Variants in CCDC88C observed in about 807,000 individuals in gnomAD.
The protein encoded by CCDC88C is protein Daple.
Under a neutral mutation model 198.8 loss-of-function variants are expected in CCDC88C, and 131 were observed. That is an observed-to-expected ratio of 0.66 (90% CI 0.57 to 0.76). CCDC88C has a LOEUF of 0.76. Ranked by LOEUF, CCDC88C falls within the 30% of genes least tolerant of loss-of-function variation. The pLI is 0.00. For missense variants in CCDC88C, 2,553 were observed against 2,631.6 expected, an observed-to-expected ratio of 0.97 and a Z score of 0.65; for synonymous variants, 1,166 against 1,114.7, an observed-to-expected ratio of 1.05 and a Z score of -0.92.
intron 10 of CCDC88C, among the ~76,000 whole-genome samples, chr14:91,332,465 T>C (rs1283918210): frequency 6.6e-6 from 1 of 152,182 alleles, no homozygotes; most frequent in Non-Finnish European, 1.5e-5. Flanking sequence ...CCATGTACAT[T>C]TGTGTTCCAT....
chr14:91,345,342 G>A (rs1893501421), intron 4 of CCDC88C, among the ~76,000 whole-genome samples: 1 of 151,392 alleles, frequency 6.6e-6, no homozygotes, highest in Non-Finnish European at 1.5e-5. Flanking sequence ...ACAGGCGCTC[G>A]CCACCACGCT....
rs1436188195 is a variant in CCDC88C, at chr14:91,352,016, T to C, written c.340+7626A>G. On this transcript the variant is annotated intron_variant, in intron 4 of 29. Coordinates refer to ENST00000389857, the MANE Select transcript of CCDC88C (RefSeq NM_001080414.4). The surrounding 1 kb of genome is among the most constrained non-coding windows in gnomAD (Gnocchi z 4.2). ...GCAGAATCAGCCACAAGCCTGCAGC[T>C]TGAGACTCAAGTTTGCCCTGGGAAG... is the stretch of plus-strand genomic sequence containing the variant. Among the ~76,000 whole-genome samples the C allele has an allele frequency of 1.3e-5, 2 of 152,212 alleles. No individual in the cohort carries two copies. The highest frequency in any genetic ancestry group is 2.4e-5 in the African/African-American group (1 of 41,452).
chr14:91,398,059 C>T (rs536186991), intron 3 of CCDC88C, among the ~76,000 whole-genome samples: 47 of 152,262 alleles, frequency 3.1e-4, no homozygotes, highest in African/African-American at 9.6e-4. Flanking sequence ...TGAAAAATGA[C>T]GAGGCTCTAA....
At chr14:91,310,059 C>G in intron 15 of CCDC88C, 73 bp from the exon 16 acceptor site, 1 of 1,440,732 alleles carries the variant, frequency 6.9e-7, no homozygotes, top group East Asian at 2.7e-5. Flanking sequence ...CCAGTCCCGC[C>G]CGGGTGTGAG....
chr14:91,297,400 G>C lies in CCDC88C; in HGVS notation c.3871C>G (p.Leu1291Val). 6.2e-7 allele frequency: 1 copy of C among 1,612,148 alleles called. No individual in the cohort carries two copies. Among genetic ancestry groups the C allele is most frequent in the Non-Finnish European group, 8.5e-7 (1 of 1,179,170 alleles). ...CGGGCCTGCCAGCGGTTGAGCTCCA[G>C]CTGCGCGTTGTTCAGTGAGGTTTTC... ...ELKTSLNNAQ[L>V]ELNRWQARFD... The change falls in exon 22 of 30, where the codon CTG becomes GTG. Residue 1291 changes from leucine (L) to valine (V), a missense_variant. Leu to Val is a conservative substitution (Grantham distance 32). This residue lies in a region of CCDC88C where 1,293 missense variants were observed against 1,219.6 expected (regional missense o/e 1.06). Transcript: ENST00000389857.
rs948924719 is a variant in CCDC88C at position 91,338,396 on chromosome 14, C to T, written c.891+93G>A. The T allele has an allele frequency of 8.6e-6, 10 of 1,159,030 alleles. No individual in the cohort carries two copies. Among genetic ancestry groups the T allele is most frequent in the South Asian group, 2.7e-5 (2 of 74,758 alleles). The allele number at this position is 1,159,030 out of a possible 1,614,324, so 71.8% of individuals were successfully genotyped here. A position where few individuals can be genotyped will look rare whatever the true frequency, so the allele number is the denominator to read the frequency against. On this transcript the variant is annotated intron_variant, in intron 9 of 29. Transcript: ENST00000389857. This position sits in a 1 kb window ranked among gnomAD's most constrained non-coding sequence, Gnocchi z 4.8. ...AAGTGGCTCTTGTGTGGCTTAAAAGCGCTGCTGTTGAGCTCCTGACCCTCC... is the reference window on the plus strand; with the variant it reads ...AAGTGGCTCTTGTGTGGCTTAAAAGTGCTGCTGTTGAGCTCCTGACCCTCC...
intron 4 of CCDC88C, among the ~76,000 whole-genome samples, chr14:91,344,712 C>A (rs532897702): frequency 1.3e-5 from 2 of 151,428 alleles, no homozygotes; most frequent in Non-Finnish European, 2.9e-5. Context: ...GGGGTTTCAC[C>A]GTGGTCTCAA....
At chr14:91,283,166 A>G (rs1890268420) in intron 26 of CCDC88C, among the ~76,000 whole-genome samples, 163 bp downstream of exon 26, 1 of 152,194 alleles carries the variant, frequency 6.6e-6, no homozygotes, top group African/African-American at 2.4e-5. Context: ...GCTGGTAAGC[A>G]CAGCTGCATC....
chr14:91,368,011 C>T (rs11851055), intron 3 of CCDC88C, among the ~76,000 whole-genome samples: 2,433 of 152,324 alleles, frequency 0.016, 67 homozygotes, highest in African/African-American at 0.055. Context: ...ACTTTCTACA[C>T]TGTGCCATGT....
chr14:91,324,551 G>A (rs1892502703), intron 12 of CCDC88C, among the ~76,000 whole-genome samples: 1 of 152,228 alleles, frequency 6.6e-6, no homozygotes, highest in Non-Finnish European at 1.5e-5. Flanking sequence ...CGGAAAACTG[G>A]CAACACTTAA....
At position 91,288,240 on chromosome 14, in the gene CCDC88C, A is replaced by G. The variant is rs544655936; in HGVS notation, c.4441+865T>C. 1.3e-5 allele frequency among the ~76,000 whole-genome samples: 2 copies of G among 152,224 alleles called. No individual in the cohort carries two copies. Among genetic ancestry groups the G allele is most frequent in the Non-Finnish European group, 2.9e-5 (2 of 68,052 alleles). The stretch of plus-strand genomic sequence containing the variant: ...CCTGAGAGTTGATGAAATACAGCAT[A>G]CATGATGAGAAATCCTGTTCTTGTT... On this transcript the variant is annotated intron_variant, in intron 25 of 29. Transcript: ENST00000389857. This position sits in a 1 kb window ranked among gnomAD's most constrained non-coding sequence, Gnocchi z 4.2.
chr14:91,339,219 C>A lies in CCDC88C; in HGVS notation c.809+59G>T. 6.3e-7 allele frequency: 1 copy of A among 1,588,134 alleles called. No individual in the cohort carries two copies. On this transcript the variant is annotated intron_variant, in intron 8 of 29. Transcript: ENST00000389857. The surrounding 1 kb of genome is among the most constrained non-coding windows in gnomAD (Gnocchi z 5.8). ...GCAGCACCACACATGTGAGTCGACA[C>A]CACACCAGAAACATGTCTGCAACAC...
intron 4 of CCDC88C, among the ~76,000 whole-genome samples, chr14:91,358,739 G>A (rs117407140): frequency 0.06 from 9,156 of 152,248 alleles, 319 homozygotes; most frequent in South Asian, 0.094. Flanking sequence ...TTGGGCTCAA[G>A]CGATCCTCCT....
Position 91,381,247 on chromosome 14 carries a change from G to A in CCDC88C, c.271-21536C>T, listed in dbSNP as rs973520062. On this transcript the variant is annotated intron_variant, in intron 3 of 29. Coordinates refer to ENST00000389857, the MANE Select transcript of CCDC88C (RefSeq NM_001080414.4). The surrounding 1 kb of genome is among the most constrained non-coding windows in gnomAD (Gnocchi z 4.2). Reference sequence around the variant, plus strand: ...CAGCTTGTCCTCTGAAGGAGACTGTGACCCACCAGACCCCTCACACATGCC... The same window carrying A: ...CAGCTTGTCCTCTGAAGGAGACTGTAACCCACCAGACCCCTCACACATGCC... Among the ~76,000 whole-genome samples, 24 of 152,252 alleles carry A rather than the reference G, an allele frequency of 1.6e-4. No homozygotes were observed. The highest frequency in any genetic ancestry group is 5.8e-4 in the African/African-American group (24 of 41,548).
chr14:91,308,531 T>G (rs934153044), intron 16 of CCDC88C, 39 bp from the exon 17 acceptor site: 2 of 1,602,854 alleles, frequency 1.2e-6, no homozygotes, highest in Non-Finnish European at 1.7e-6. Context: ...ACTTATCTAC[T>G]TCCTCTCCGC....
rs556577753 is a variant in CCDC88C, at chr14:91,298,055, T to C, written c.3780-564A>G. On this transcript the variant is annotated intron_variant, in intron 21 of 29. Coordinates refer to ENST00000389857, the MANE Select transcript of CCDC88C (RefSeq NM_001080414.4). ...CAACTGGGAGTTCTCTGGAGATTTATATCAGAAAGCTCATTACCAGGGTCT... is the reference window on the plus strand; with the variant it reads ...CAACTGGGAGTTCTCTGGAGATTTACATCAGAAAGCTCATTACCAGGGTCT... 5.3e-5 allele frequency among the ~76,000 whole-genome samples: 8 copies of C among 152,348 alleles called. No individual in the cohort carries two copies. The South Asian group carries it at 1.7e-3, about 32-fold the overall frequency.
At chr14:91,318,530 G>A (rs1229726625) in intron 13 of CCDC88C, among the ~76,000 whole-genome samples, 1 of 152,330 alleles carries the variant, frequency 6.6e-6, no homozygotes, top group East Asian at 1.9e-4. Context: ...CTCAAACGCT[G>A]CAAGGCACAC....
chr14:91,317,590 A>C (rs1246020330), intron 13 of CCDC88C, among the ~76,000 whole-genome samples: 1 of 152,200 alleles, frequency 6.6e-6, no homozygotes, highest in Non-Finnish European at 1.5e-5. Context: ...TGAAGGGAGA[A>C]CCACCCTGCA....
chr14:91,410,338 T>C (rs140442335), intron 2 of CCDC88C, among the ~76,000 whole-genome samples: 9 of 152,110 alleles, frequency 5.9e-5, no homozygotes, highest in African/African-American at 2.2e-4. Context: ...CCAGACCCCG[T>C]GATGAAGGTG....
Sources: gnomAD v4.1 joint callset for allele counts (sites outside exome capture counted in the v4.1 genomes callset) on GRCh38, gnomAD v4.1.1 for gene constraint, gnomAD v4.1.1 regional missense constraint, Gnocchi (gnomAD v3.1) non-coding constraint, MANE v1.5 for transcripts, NCBI Gene and HGNC (gene_info 2026-07-23, HGNC 2026-07-21) for gene names.